The following C10orf143 variants were observed in gnomAD, a reference collection of about 807,000 sequenced individuals.
C10orf143 encodes the protein uncharacterized protein C10orf143.
chr10:130,079,573 C>T lies in C10orf143; in HGVS notation c.290G>A (p.Gly97Glu). The part of the protein sequence containing the change: ...SAQPCPRCIA[G>E]ESGHFSHTKN... ...GAAGGTTAATGCACTTACAGATTCCCCTGCAATACATCTTGGGCAAGGCTG... is the reference window on the plus strand; with the variant it reads ...GAAGGTTAATGCACTTACAGATTCCTCTGCAATACATCTTGGGCAAGGCTG... Residue 97 changes from glycine (G) to glutamate (E), a missense_variant, in exon 3 of 4, where the codon GGG becomes GAG. Transcript: ENST00000637128. 2.5e-6 allele frequency: 1 copy of T among 399,072 alleles called. No homozygotes were observed. Among genetic ancestry groups the T allele is most frequent in the Non-Finnish European group, 4.4e-6 (1 of 226,068 alleles). The allele number at this position is 399,072 out of a possible 1,614,324, so 24.7% of individuals were successfully genotyped here.
intron 1 of C10orf143, among the ~76,000 whole-genome samples, chr10:130,086,139 A>T (rs977315908): frequency 6.6e-6 from 1 of 152,200 alleles, no homozygotes; most frequent in African/African-American, 2.4e-5. Context: ...GCAGAGTAGA[A>T]TCACCACTTG....
intron 1 of C10orf143, chr10:130,104,801 C>CG (rs1417458462): frequency 6.6e-6 from 1 of 152,148 alleles, no homozygotes; most frequent in Non-Finnish European, 1.5e-5. Context: ...TCCATTAAAC[C>CG]TTCCCTGTTC....
intron 3 of C10orf143, among the ~76,000 whole-genome samples, chr10:130,038,683 C>A (rs1485928617): frequency 1.3e-5 from 2 of 152,156 alleles, no homozygotes; most frequent in Admixed American, 1.3e-4. Flanking sequence ...CCAGGCTGAG[C>A]CATGCCTGGG....
intron 1 of C10orf143, among the ~76,000 whole-genome samples, chr10:130,099,619 C>A (rs1861515529): frequency 1.3e-5 from 2 of 152,034 alleles, no homozygotes; most frequent in South Asian, 4.2e-4. Flanking sequence ...TCAGTGCAAC[C>A]TCTGCCTCGT....
chr10:130,101,660 A>C (rs1861552894), intron 1 of C10orf143, among the ~76,000 whole-genome samples: 1 of 151,304 alleles, frequency 6.6e-6, no homozygotes. Context: ...AGGTCAGGAG[A>C]TTGAGACCAT....
At chr10:130,055,976 A>AAAAAAAAAG (rs1860790536) in intron 3 of C10orf143, among the ~76,000 whole-genome samples, 1 of 150,156 alleles carries the variant, frequency 6.7e-6, no homozygotes, top group African/African-American at 2.5e-5. Flanking sequence ...AAAAAAAAAA[A>AAAAAAAAAG]AAAGAAAGAA....
intron 1 of C10orf143, among the ~76,000 whole-genome samples, chr10:130,093,917 G>T (rs1295971514): frequency 2.6e-5 from 4 of 151,690 alleles, no homozygotes; most frequent in Admixed American, 6.6e-5. Flanking sequence ...GGCTGAGGCA[G>T]GAGAATGGCA....
At chr10:130,049,140 T>G (rs762306774) in intron 3 of C10orf143, among the ~76,000 whole-genome samples, 1 of 152,214 alleles carries the variant, frequency 6.6e-6, no homozygotes, top group Non-Finnish European at 1.5e-5. Context: ...TTGTGCTCCT[T>G]GCCAGCCCAC....
At chr10:130,038,227 C>T (rs932978895) in intron 3 of C10orf143, among the ~76,000 whole-genome samples, 1 of 152,170 alleles carries the variant, frequency 6.6e-6, no homozygotes, top group Admixed American at 6.5e-5. Context: ...TGACAGGTGG[C>T]CTGAGAGAGA....
intron 1 of C10orf143, among the ~76,000 whole-genome samples, chr10:130,092,994 T>C (rs1172754777): frequency 2.6e-5 from 4 of 152,136 alleles, no homozygotes; most frequent in Non-Finnish European, 5.9e-5. Context: ...CCATTGTCAA[T>C]ATTAGATAGA....
Position 130,053,235 on chromosome 10 carries a change from A to G in C10orf143, c.298-17265T>C, listed in dbSNP as rs1248289510. The stretch of plus-strand genomic sequence containing the variant: ...GCCATCACACCCAGCTAATTTTTGT[A>G]TTTTTAGTAGAAACGGGGTTTCACT... On this transcript the variant is annotated intron_variant and NMD_transcript_variant, in intron 3 of 5. Coordinates refer to the C10orf143 transcript ENST00000643056. 2.6e-5 allele frequency among the ~76,000 whole-genome samples: 4 copies of G among 151,952 alleles called. No individual in the cohort carries two copies. In the East Asian group the frequency reaches 7.7e-4, roughly 29 times the overall value.
intron 3 of C10orf143, among the ~76,000 whole-genome samples, chr10:130,053,748 G>A (rs12357861): frequency 0.14 from 22,028 of 152,200 alleles, 1,686 homozygotes; most frequent in Middle Eastern, 0.21. Context: ...GTGAAACCGC[G>A]TCTTAAGTGG....
At chr10:130,042,620 A>T (rs1860620058) in intron 3 of C10orf143, among the ~76,000 whole-genome samples, 1 of 152,136 alleles carries the variant, frequency 6.6e-6, no homozygotes, top group African/African-American at 2.4e-5. Context: ...TGTTAACACC[A>T]TGGGCATCTG....
At chr10:130,107,651 G>A (rs761446083) in intron 1 of C10orf143, 3 of 1,323,418 alleles carry the variant, frequency 2.3e-6, no homozygotes, top group Admixed American at 1.7e-5. Context: ...TCTCTCTCCC[G>A]CAACTCTGTT....
intron 3 of C10orf143, among the ~76,000 whole-genome samples, chr10:130,074,325 G>T (rs1246132002): frequency 6.6e-6 from 1 of 152,166 alleles, no homozygotes; most frequent in Non-Finnish European, 1.5e-5. Flanking sequence ...AAACCTGGGG[G>T]TAGAAATGCA....
chr10:130,086,872 T>C (rs1204384522), intron 1 of C10orf143, among the ~76,000 whole-genome samples: 1 of 152,240 alleles, frequency 6.6e-6, no homozygotes, highest in African/African-American at 2.4e-5. Context: ...ACACCTTTTC[T>C]GTGTGGTTGA....
At chr10:130,037,391 A>C (rs1289648593) in intron 3 of C10orf143, among the ~76,000 whole-genome samples, 1 of 152,226 alleles carries the variant, frequency 6.6e-6, no homozygotes, top group Non-Finnish European at 1.5e-5. Context: ...TGAGCAAGCG[A>C]AACAAGAGAA....
intron 3 of C10orf143, among the ~76,000 whole-genome samples, chr10:130,078,203 AT>A (rs937613542): frequency 1.9e-4 from 29 of 151,052 alleles, no homozygotes; most frequent in African/African-American, 5.3e-4. Flanking sequence ...CTTGAACTAA[AT>A]TTTTTTTTTC....
intron 3 of C10orf143, among the ~76,000 whole-genome samples, chr10:130,044,801 C>A (rs1438944398): frequency 6.6e-6 from 1 of 152,136 alleles, no homozygotes; most frequent in Non-Finnish European, 1.5e-5. Flanking sequence ...GTACCCTTGC[C>A]ACCTGTGTAC....
Sources: gnomAD v4.1 joint callset for allele counts (sites outside exome capture counted in the v4.1 genomes callset) on GRCh38, gnomAD v4.1.1 for gene constraint, MANE v1.5 for transcripts, NCBI Gene and HGNC (gene_info 2026-07-23, HGNC 2026-07-21) for gene names.